DGKI: variants seen among roughly 807,000 people sequenced by gnomAD.
The protein encoded by DGKI is DAG kinase iota.
In DGKI, 55 loss-of-function variants were observed where a neutral mutation model predicts 147.5. The ratio of observed to expected loss-of-function variants is 0.37; its 90% CI spans 0.30 to 0.47. The LOEUF (loss-of-function observed/expected upper bound fraction) is 0.47, where lower values mean the gene tolerates loss of function less well. Ranked by LOEUF, DGKI falls within the 20% of genes least tolerant of loss-of-function variation. The pLI is 1.00. For synonymous variants in DGKI, 469 were observed against 477.1 expected, an observed-to-expected ratio of 0.98 and a Z score of 0.22; for missense variants, 1,007 against 1,323.8, an observed-to-expected ratio of 0.76 and a Z score of 3.71.
intron 1 of DGKI, among the ~76,000 whole-genome samples, chr7:137,787,758 G>T (rs1165899498): frequency 6.6e-6 from 1 of 152,106 alleles, no homozygotes; most frequent in Non-Finnish European, 1.5e-5. Flanking sequence ...TGTATATACA[G>T]ACGGAATACT....
At chr7:137,495,998 T>C (rs1297826104) in intron 21 of DGKI, among the ~76,000 whole-genome samples, 1 of 152,008 alleles carries the variant, frequency 6.6e-6, no homozygotes, top group East Asian at 1.9e-4. Context: ...GGCACCCAAA[T>C]AGGAAGAGAG....
chr7:137,424,298 T>G (rs541246586), intron 28 of DGKI, among the ~76,000 whole-genome samples: 1 of 152,276 alleles, frequency 6.6e-6, no homozygotes, highest in South Asian at 2.1e-4. Flanking sequence ...TTATATTTAT[T>G]AAAGATCAAA....
intron 1 of DGKI, among the ~76,000 whole-genome samples, chr7:137,845,071 T>C (rs1798669769): frequency 6.6e-6 from 1 of 152,206 alleles, no homozygotes; most frequent in African/African-American, 2.4e-5. Flanking sequence ...AAAAGAAAGA[T>C]CCATTTGGAC....
At chr7:137,512,990 A>G (rs1051134617) in intron 21 of DGKI, among the ~76,000 whole-genome samples, 1 of 152,206 alleles carries the variant, frequency 6.6e-6, no homozygotes. Context: ...TTACAAAAAA[A>G]CAATGAATTC....
intron 1 of DGKI, among the ~76,000 whole-genome samples, chr7:137,761,254 T>C (rs1795847575): frequency 3.3e-5 from 5 of 152,226 alleles, no homozygotes; most frequent in Admixed American, 3.3e-4. Context: ...CCACTGTGTT[T>C]CCTAACAAGT....
At chr7:137,811,380 TCTCTCACACACACA>T (rs530356610) in intron 1 of DGKI, among the ~76,000 whole-genome samples, 2,237 of 104,044 alleles carry the variant, frequency 0.022, 55 homozygotes, top group African/African-American at 0.068. Context: ...TCTCTCTCTC[TCTCTCACACACACA>T]CACACACACA....
At chr7:137,690,395 T>C (rs1823564523) in intron 1 of DGKI, among the ~76,000 whole-genome samples, 1 of 152,186 alleles carries the variant, frequency 6.6e-6, no homozygotes, top group Non-Finnish European at 1.5e-5. Flanking sequence ...AATGGGCTCA[T>C]GAGGTCTCCT....
intron 21 of DGKI, among the ~76,000 whole-genome samples, chr7:137,520,363 C>G (rs890148043): frequency 6.6e-6 from 1 of 152,010 alleles, no homozygotes; most frequent in African/African-American, 2.4e-5. Flanking sequence ...ACCTTTAGAA[C>G]TCAATTTAAT....
At chr7:137,801,201 T>A (rs1481441471) in intron 1 of DGKI, among the ~76,000 whole-genome samples, 2 of 152,184 alleles carry the variant, frequency 1.3e-5, no homozygotes, top group African/African-American at 2.4e-5. Context: ...GCATGACTCA[T>A]GGCTCAGGAA....
chr7:137,691,809 T>TTTTGTTTTTTTTTTTG (rs1554458895), intron 1 of DGKI, among the ~76,000 whole-genome samples: 3 of 141,010 alleles, frequency 2.1e-5, no homozygotes, highest in African/African-American at 8.4e-5. Flanking sequence ...TTTTTTTTTT[T>TTTTGTTTTTTTTTTTG]TTTTTTTTTT....
chr7:137,546,002 C>G (rs555121114), intron 20 of DGKI: 3 of 698,044 alleles, frequency 4.3e-6, no homozygotes, highest in Non-Finnish European at 7.8e-6. Flanking sequence ...ACAGAGTCAG[C>G]GACAGCGTGG....
chr7:137,690,092 C>T, intron 1 of DGKI, 90 bp from the exon 2 acceptor site: 1 of 891,294 alleles, frequency 1.1e-6, no homozygotes, highest in Non-Finnish European at 1.7e-6. Context: ...GGGGTAGAAA[C>T]AATGCCTGAG....
intron 6 of DGKI, among the ~76,000 whole-genome samples, chr7:137,631,252 A>C (rs1050704488): frequency 6.6e-6 from 1 of 152,216 alleles, no homozygotes; most frequent in African/African-American, 2.4e-5. Flanking sequence ...ACAACTGAGA[A>C]GGAGACTTTA....
At chr7:137,711,678 T>C (rs1438765232) in intron 1 of DGKI, among the ~76,000 whole-genome samples, 3 of 142,692 alleles carry the variant, frequency 2.1e-5, no homozygotes. Context: ...AAAATGGGGA[T>C]ACCAACTTTT....
At chr7:137,431,154 G>A (rs1181294485) in intron 28 of DGKI, among the ~76,000 whole-genome samples, 1 of 152,054 alleles carries the variant, frequency 6.6e-6, no homozygotes, top group Non-Finnish European at 1.5e-5. Flanking sequence ...AAGAAGATTG[G>A]GTGACTAGAG....
chr7:137,615,939 C>G (rs28454188), intron 8 of DGKI, among the ~76,000 whole-genome samples: 3,528 of 152,200 alleles, frequency 0.023, 113 homozygotes, highest in African/African-American at 0.078. Flanking sequence ...AGTCAGAAAG[C>G]TCTTAACCAC....
At chr7:137,688,524 T>C (rs1823499364) in intron 2 of DGKI, among the ~76,000 whole-genome samples, 1 of 152,208 alleles carries the variant, frequency 6.6e-6, no homozygotes. Flanking sequence ...ATTTAATGAA[T>C]GTTCGCCTCT....
intron 20 of DGKI, among the ~76,000 whole-genome samples, chr7:137,522,229 T>C (rs1816986351): frequency 6.6e-6 from 1 of 152,126 alleles, no homozygotes; most frequent in Non-Finnish European, 1.5e-5. Context: ...GTATTTTCTA[T>C]TGATTTTTTA....
intron 3 of DGKI, among the ~76,000 whole-genome samples, chr7:137,671,455 G>C (rs765118911): frequency 6.6e-6 from 1 of 152,204 alleles, no homozygotes; most frequent in Non-Finnish European, 1.5e-5. Context: ...ATAAGGCCTT[G>C]TTAAGCCAAA....
Sources: gnomAD v4.1 joint callset for allele counts (sites outside exome capture counted in the v4.1 genomes callset) on GRCh38, gnomAD v4.1.1 for gene constraint, MANE v1.5 for transcripts, NCBI Gene and HGNC (gene_info 2026-07-23, HGNC 2026-07-21) for gene names.